The following FBXO25 variants were observed in gnomAD, a reference collection of about 807,000 sequenced individuals.
FBXO25 encodes the protein F-box protein 25.
In FBXO25, 45 loss-of-function variants were observed where a neutral mutation model predicts 51.9. The observed-to-expected ratio is 0.87, with a 90% CI of 0.68 to 1.11. The LOEUF (loss-of-function observed/expected upper bound fraction) is 1.11. Among genes scored for constraint, FBXO25 ranks in the 50% most tolerant of loss-of-function variants. The pLI is 0.00. For missense variants in FBXO25, 507 were observed against 428.5 expected, an observed-to-expected ratio of 1.18 and a Z score of -1.62; for synonymous variants, 199 against 151.0, an observed-to-expected ratio of 1.32 and a Z score of -2.33.
At chr8:437,535 T>G (rs1056092133) in intron 5 of FBXO25, among the ~76,000 whole-genome samples, 1 of 152,198 alleles carries the variant, frequency 6.6e-6, no homozygotes, top group African/African-American at 2.4e-5. Flanking sequence ...TCTTCACAAG[T>G]CCAGCAAAGT....
chr8:413,449 G>C (rs1796607509), intron 2 of FBXO25, among the ~76,000 whole-genome samples: 1 of 151,932 alleles, frequency 6.6e-6, no homozygotes, highest in Admixed American at 6.6e-5. Flanking sequence ...ACAATAATTG[G>C]GAGAGAGGTA....
At chr8:407,361 A>C in intron 1 of FBXO25, 3 of 963,872 alleles carry the variant, frequency 3.1e-6, no homozygotes, top group Non-Finnish European at 3.7e-6. Flanking sequence ...GCGTCTGCTG[A>C]AGTCTGGGTC....
intron 2 of FBXO25, among the ~76,000 whole-genome samples, chr8:416,028 C>T (rs1796778327): frequency 6.6e-6 from 1 of 152,214 alleles, no homozygotes; most frequent in Non-Finnish European, 1.5e-5. Context: ...ACGCATTCAG[C>T]TCAGTCTTGG....
At chr8:427,868 A>T (rs937973367) in intron 2 of FBXO25, among the ~76,000 whole-genome samples, 20 of 151,428 alleles carry the variant, frequency 1.3e-4, no homozygotes, top group African/African-American at 4.1e-4. Context: ...ATTTTCCTAG[A>T]CTTGTGTGGA....
intron 5 of FBXO25, among the ~76,000 whole-genome samples, chr8:445,414 A>T (rs1262315057): frequency 6.6e-6 from 1 of 152,220 alleles, no homozygotes; most frequent in Non-Finnish European, 1.5e-5. Flanking sequence ...AGCAGTTCCA[A>T]ACCCAAATGT....
chr8:434,194 G>A (rs562035826), intron 4 of FBXO25, among the ~76,000 whole-genome samples: 2 of 152,312 alleles, frequency 1.3e-5, no homozygotes, highest in South Asian at 2.1e-4. Context: ...ACCTGGTACA[G>A]AGCAAGTGCC....
intron 2 of FBXO25, among the ~76,000 whole-genome samples, chr8:420,048 A>T (rs1167807658): frequency 6.6e-6 from 1 of 152,116 alleles, no homozygotes; most frequent in Non-Finnish European, 1.5e-5. Flanking sequence ...TGCCCAACTT[A>T]ATTTATTGTT....
intron 5 of FBXO25, among the ~76,000 whole-genome samples, chr8:436,945 G>C (rs3936437): frequency 1.3e-5 from 2 of 152,150 alleles, no homozygotes; most frequent in African/African-American, 4.8e-5. Context: ...GTGCCCTGCT[G>C]TCTCATCTTT....
At chr8:424,995 A>G (rs966216575) in intron 2 of FBXO25, among the ~76,000 whole-genome samples, 2 of 152,210 alleles carry the variant, frequency 1.3e-5, no homozygotes, top group African/African-American at 2.4e-5. Context: ...TTCATCTACT[A>G]ACTTACTGCA....
At chr8:454,677 G>C (rs541994867) in intron 7 of FBXO25, among the ~76,000 whole-genome samples, 3 of 152,212 alleles carry the variant, frequency 2.0e-5, no homozygotes, top group Admixed American at 6.5e-5. Flanking sequence ...AGATCACAAG[G>C]TCAAGAGATA....
At chr8:440,161 T>C (rs973348710) in intron 5 of FBXO25, among the ~76,000 whole-genome samples, 1 of 152,144 alleles carries the variant, frequency 6.6e-6, no homozygotes, top group African/African-American at 2.4e-5. Context: ...TCTGTCTCTT[T>C]CTTATTTATT....
intron 2 of FBXO25, among the ~76,000 whole-genome samples, chr8:414,999 C>G (rs892550541): frequency 6.6e-6 from 1 of 152,178 alleles, no homozygotes; most frequent in Admixed American, 6.5e-5. Flanking sequence ...TTTAATGTAT[C>G]CTTTCTCTGG....
intron 7 of FBXO25, among the ~76,000 whole-genome samples, chr8:452,220 G>A (rs911267510): frequency 2.6e-5 from 4 of 152,136 alleles, no homozygotes; most frequent in African/African-American, 9.7e-5. Flanking sequence ...ATCTAAATAT[G>A]GGATTTACAA....
intron 5 of FBXO25, among the ~76,000 whole-genome samples, chr8:436,423 G>A (rs549891346): frequency 2.3e-4 from 35 of 152,320 alleles, no homozygotes; most frequent in East Asian, 1.9e-4. Flanking sequence ...ATTTAAAAGT[G>A]CTACTGGGAG....
At chr8:456,205 T>C (rs1490737971) in intron 7 of FBXO25, among the ~76,000 whole-genome samples, 2 of 152,228 alleles carry the variant, frequency 1.3e-5, no homozygotes, top group Non-Finnish European at 2.9e-5. Context: ...GTTATCTTTT[T>C]GTTTTGTTTT....
chr8:473,399 G>A lies in FBXO25; in HGVS notation c.*4595G>A, dbSNP rs56072037. On this transcript the variant is annotated 3_prime_UTR_variant, in exon 10 of 10. Transcript: ENST00000350302. The stretch of plus-strand genomic sequence containing the variant: ...GCAGTCCTCTCTAAACTCAGGCAGT[G>A]TATGGCTGCTGCCATTCTCGCCCTC... 15,893 of 152,408 alleles carry A rather than the reference G, an allele frequency of 0.1. 1,194 individuals carry two copies. The highest frequency in any genetic ancestry group is 0.37 in the East Asian group (1,929 of 5,174). 9.4% of individuals were successfully genotyped at this position (152,408 alleles called of 1,614,324 possible).
In FBXO25 at chr8:470,644, G is replaced by A. The variant is rs1237225439; in HGVS notation, c.*1840G>A. The A allele has an allele frequency of 1.3e-5, 2 of 152,210 alleles. No homozygotes were observed. The highest frequency in any genetic ancestry group is 2.9e-5 in the Non-Finnish European group (2 of 68,086). The allele number at this position is 152,210 out of a possible 1,614,324, so 9.4% of individuals were successfully genotyped here. Reference sequence around the variant, plus strand: ...AATCCACCTGCCTCAGCTTCCCAAAGTGCTGGGATTACAGGCATGAGCCAC... The same window carrying A: ...AATCCACCTGCCTCAGCTTCCCAAAATGCTGGGATTACAGGCATGAGCCAC... On this transcript the variant is annotated 3_prime_UTR_variant, in exon 10 of 10. Coordinates refer to ENST00000350302, the MANE Select transcript of FBXO25 (RefSeq NM_183420.2).
At chr8:414,023 A>G (rs1411273117) in intron 2 of FBXO25, among the ~76,000 whole-genome samples, 1 of 152,142 alleles carries the variant, frequency 6.6e-6, no homozygotes, top group Non-Finnish European at 1.5e-5. Context: ...CATTTATTGT[A>G]TATTATTTTA....
At chr8:418,484 C>T (rs570256544) in intron 2 of FBXO25, among the ~76,000 whole-genome samples, 5 of 151,502 alleles carry the variant, frequency 3.3e-5, no homozygotes, top group Admixed American at 2.0e-4. Flanking sequence ...GGACTACAGG[C>T]GCCCACCACC....
Sources: gnomAD v4.1 joint callset for allele counts (sites outside exome capture counted in the v4.1 genomes callset) on GRCh38, gnomAD v4.1.1 for gene constraint, MANE v1.5 for transcripts, NCBI Gene and HGNC (gene_info 2026-07-23, HGNC 2026-07-21) for gene names.